Variants in PHACTR4 observed in about 807,000 individuals in gnomAD.
PHACTR4 encodes phosphatase and actin regulator 4, also known as protein phosphatase 1, regulatory subunit 124.
A neutral mutation model predicts 72.7 loss-of-function variants in PHACTR4; 51 were observed. The observed-to-expected ratio is 0.70, with a 90% CI of 0.56 to 0.89. The LOEUF is 0.89. Ranked by LOEUF, PHACTR4 falls within the 40% of genes least tolerant of loss-of-function variation. PHACTR4 has a pLI of 0.00. For missense variants in PHACTR4, 731 were observed against 861.8 expected, an observed-to-expected ratio of 0.85 and a Z score of 1.90; for synonymous variants, 255 against 302.5, an observed-to-expected ratio of 0.84 and a Z score of 1.63.
At chr1:28,380,493 C>T (rs1001843478) in intron 1 of PHACTR4, among the ~76,000 whole-genome samples, 2 of 152,132 alleles carry the variant, frequency 1.3e-5, no homozygotes, top group Non-Finnish European at 2.9e-5. Flanking sequence ...TTTTCCAGAT[C>T]CTCTCCCTGC....
chr1:28,459,123 CTGGACAGTG>C lies in PHACTR4; in HGVS notation c.60_68del (p.Asp20_Val22del). ...GCCCACTACAGAGCCAGGCATGGTCCTGGACAGTGTGGAAGCAGGAGACACAACACCTCC... is the reference window on the plus strand; with the variant it reads ...GCCCACTACAGAGCCAGGCATGGTCCTGGAAGCAGGAGACACAACACCTCC... On this transcript the variant is annotated inframe_deletion, in exon 3 of 14. Transcript: ENST00000373839. 6.2e-7 allele frequency: 1 copy of C among 1,613,906 alleles called. No individual in the cohort carries two copies. Among genetic ancestry groups the C allele is most frequent in the Non-Finnish European group, 8.5e-7 (1 of 1,179,972 alleles).
intron 2 of PHACTR4, among the ~76,000 whole-genome samples, chr1:28,443,594 C>T (rs1318453853): frequency 6.6e-6 from 1 of 151,838 alleles, no homozygotes; most frequent in African/African-American, 2.4e-5. Flanking sequence ...ACTACAGGCA[C>T]ATGCCACCAC....
intron 2 of PHACTR4, among the ~76,000 whole-genome samples, chr1:28,420,251 C>T (rs923100018): frequency 5.3e-5 from 8 of 152,082 alleles, no homozygotes; most frequent in African/African-American, 1.9e-4. Context: ...GAATTGTAAA[C>T]CCCATAATGC....
intron 2 of PHACTR4, among the ~76,000 whole-genome samples, chr1:28,446,678 C>T (rs1657495443): frequency 6.6e-6 from 1 of 152,058 alleles, no homozygotes; most frequent in Non-Finnish European, 1.5e-5. Flanking sequence ...ATTCAGGAGG[C>T]TGAGGCAGGA....
At chr1:28,388,062 G>A (rs1381639595) in intron 1 of PHACTR4, among the ~76,000 whole-genome samples, 1 of 151,870 alleles carries the variant, frequency 6.6e-6, no homozygotes, top group Non-Finnish European at 1.5e-5. Flanking sequence ...ATGGCAACGT[G>A]GGCCTGTGGT....
chr1:28,393,171 C>A (rs1569802446), intron 1 of PHACTR4, among the ~76,000 whole-genome samples: 2 of 152,288 alleles, frequency 1.3e-5, no homozygotes, highest in South Asian at 4.1e-4. Context: ...AAATATGGCA[C>A]AATCTCTTTT....
intron 2 of PHACTR4, among the ~76,000 whole-genome samples, chr1:28,436,618 T>C (rs542062170): frequency 6.6e-6 from 1 of 152,356 alleles, no homozygotes; most frequent in South Asian, 2.1e-4. Context: ...CTTCCTCTTT[T>C]ACCTTCAGAT....
At chr1:28,444,293 A>G (rs1297975077) in intron 2 of PHACTR4, among the ~76,000 whole-genome samples, 2 of 121,108 alleles carry the variant, frequency 1.7e-5, no homozygotes, top group African/African-American at 6.4e-5. Flanking sequence ...TGGCGTGAGC[A>G]GTCTTGGCTC....
At chr1:28,410,198 C>T (rs753635919) in intron 2 of PHACTR4, among the ~76,000 whole-genome samples, 11 of 152,078 alleles carry the variant, frequency 7.2e-5, no homozygotes, top group Non-Finnish European at 1.5e-4. Flanking sequence ...GAGCTCCTGA[C>T]CTCATGATCT....
intron 7 of PHACTR4, 29 bp downstream of exon 7, chr1:28,474,180 T>C: frequency 6.4e-7 from 1 of 1,565,422 alleles, no homozygotes. Context: ...TGCCTCTTAT[T>C]TCTCCTTTAC....
At chr1:28,388,272 T>G (rs1652721522) in intron 1 of PHACTR4, among the ~76,000 whole-genome samples, 2 of 152,142 alleles carry the variant, frequency 1.3e-5, no homozygotes, top group African/African-American at 4.8e-5. Flanking sequence ...AAAGCAATTT[T>G]GAGCTAAAAG....
intron 2 of PHACTR4, among the ~76,000 whole-genome samples, chr1:28,416,171 A>G (rs567168640): frequency 6.6e-6 from 1 of 152,300 alleles, no homozygotes; most frequent in Admixed American, 6.5e-5. Context: ...TGTAGGAGTT[A>G]AATTCCTCCA....
rs755899365 is a variant in PHACTR4, at chr1:28,496,553, C to A, written c.*4C>A. ...TTTTAGCTACCATCGTCCATGATGC[C>A]AAAGGTTGAGAGAGGAATCAACATG... is the stretch of plus-strand genomic sequence containing the variant. On this transcript the variant is annotated 3_prime_UTR_variant, in exon 14 of 14. Transcript: ENST00000373839. 1 of 1,613,826 alleles carries A rather than the reference C, an allele frequency of 6.2e-7. No homozygotes were observed. Among genetic ancestry groups the A allele is most frequent in the Admixed American group, 1.7e-5 (1 of 60,010 alleles).
rs1349187190 is a variant in PHACTR4 at position 28,469,560 on chromosome 1, TATTA to T, written c.823+2796_823+2799del. On this transcript the variant is annotated intron_variant, in intron 6 of 13. Coordinates refer to ENST00000373839, the MANE Select transcript of PHACTR4 (RefSeq NM_001048183.3). ...TCAAATTACCAAATAGAATTTATTT[TATTA>T]ATTCAAAAGTAAAAATATTCATTTA... 2.6e-5 allele frequency among the ~76,000 whole-genome samples: 4 copies of T among 152,228 alleles called. No individual in the cohort carries two copies. The South Asian group carries it at 8.3e-4, about 32-fold the overall frequency.
At chr1:28,392,449 C>A (rs1201547204) in intron 1 of PHACTR4, among the ~76,000 whole-genome samples, 1 of 151,028 alleles carries the variant, frequency 6.6e-6, no homozygotes, top group Non-Finnish European at 1.5e-5. Context: ...GTTGCCCAGA[C>A]TGGAGTTCAG....
intron 2 of PHACTR4, among the ~76,000 whole-genome samples, chr1:28,425,473 T>C (rs1300105908): frequency 6.6e-6 from 1 of 152,254 alleles, no homozygotes; most frequent in Non-Finnish European, 1.5e-5. Context: ...ACACTATTTA[T>C]ATAGTCATCC....
intron 3 of PHACTR4, 137 bp downstream of exon 3, chr1:28,459,395 CTTTTTTTTTT>C (rs367934288): frequency 7.1e-6 from 2 of 280,804 alleles, no homozygotes; most frequent in Non-Finnish European, 1.3e-5. Context: ...TTTCCTTCTT[CTTTTTTTTTT>C]TTTTTTTTTT....
chr1:28,392,328 A>C (rs1653118914), intron 1 of PHACTR4, among the ~76,000 whole-genome samples: 1 of 151,792 alleles, frequency 6.6e-6, no homozygotes, highest in African/African-American at 2.4e-5. Context: ...AGTAACCCTT[A>C]TTTTACTTAA....
chr1:28,498,088 G>T lies in PHACTR4; in HGVS notation c.*1539G>T, dbSNP rs1661466123. On this transcript the variant is annotated 3_prime_UTR_variant, in exon 14 of 14. Coordinates refer to ENST00000373839, the MANE Select transcript of PHACTR4 (RefSeq NM_001048183.3). ...GCTATTGTAGTTTTATTTACCAAAT[G>T]ATATTCTCTAAATCACTTCGACCAA... 1 of 151,836 alleles carries T rather than the reference G, an allele frequency of 6.6e-6. No homozygotes were observed. Among genetic ancestry groups the T allele is most frequent in the African/African-American group, 2.4e-5 (1 of 41,314 alleles). 9.4% of individuals were successfully genotyped at this position (151,836 alleles called of 1,614,324 possible).
Sources: gnomAD v4.1 joint callset for allele counts (sites outside exome capture counted in the v4.1 genomes callset) on GRCh38, gnomAD v4.1.1 for gene constraint, MANE v1.5 for transcripts, NCBI Gene and HGNC (gene_info 2026-07-23, HGNC 2026-07-21) for gene names.